The following MICALL2 variants were observed in gnomAD, a reference collection of about 807,000 sequenced individuals.
MICALL2 encodes MICAL-like protein 2.
MICALL2 carries 111 observed loss-of-function variants against 91.1 expected under a neutral mutation model. The ratio of observed to expected loss-of-function variants is 1.22; its 90% CI spans 1.04 to 1.43. The LOEUF is 1.43. Ranked by LOEUF, MICALL2 falls within the 40% of genes most tolerant of loss-of-function variation. The pLI is 0.00. For synonymous variants in MICALL2, 694 were observed against 525.3 expected, an observed-to-expected ratio of 1.32 and a Z score of -4.39; for missense variants, 1,556 against 1,236.0, an observed-to-expected ratio of 1.26 and a Z score of -3.88.
chr7:1,434,985 G>GGCCCC lies in MICALL2; in HGVS notation c.2638+115_2638+116insGGGGC. On this transcript the variant is annotated intron_variant, in intron 16 of 16. Transcript: ENST00000297508. Reference sequence around the variant, plus strand: ...AGGCTGAGGGGGGGACCCGATACCCGCCCCCCCCCCACCCCCAGCTGGAGG... The same window carrying GGCCCC: ...AGGCTGAGGGGGGGACCCGATACCCGGCCCCCCCCCCCCCCACCCCCAGCTGGAGG... 3.7e-4 allele frequency: 95 copies of GGCCCC among 255,662 alleles called. 2 individuals are homozygous for GGCCCC. The highest frequency in any genetic ancestry group is 9.6e-4 in the South Asian group (28 of 29,110). 15.8% of individuals were successfully genotyped at this position (255,662 alleles called of 1,614,324 possible).
chr7:1,435,299 A>G lies in MICALL2; in HGVS notation c.2592-152T>C, dbSNP rs533093063. ...TTCCTGCTGACAGGCCACACCTTGG[A>G]ACCCTGCCCCCACCAATGCCAAGTC... On this transcript the variant is annotated intron_variant, in intron 15 of 16. Coordinates refer to ENST00000297508, the MANE Select transcript of MICALL2 (RefSeq NM_182924.4). The G allele has an allele frequency of 5.5e-6, 4 of 726,578 alleles. No individual in the cohort carries two copies. The African/African-American group carries it at 6.9e-5, about 13-fold the overall frequency. The allele number at this position is 726,578 out of a possible 1,614,324, so 45.0% of individuals were successfully genotyped here.
chr7:1,440,891 TG>T, intron 7 of MICALL2: 3 of 560,264 alleles, frequency 5.4e-6, no homozygotes, highest in Non-Finnish European at 9.7e-6. Flanking sequence ...TGTGTGTCCC[TG>T]GGGGAAGCTC....
Position 1,434,481 on chromosome 7 carries a change from G to C in MICALL2, c.*115C>G. The C allele has an allele frequency of 1.1e-6, 1 of 931,404 alleles. No homozygotes were observed. Among genetic ancestry groups the C allele is most frequent in the Non-Finnish European group, 1.8e-6 (1 of 569,930 alleles). The allele number at this position is 931,404 out of a possible 1,614,324, so 57.7% of individuals were successfully genotyped here. ...GAGTCCAAGTCCGAATGCCGGGTCC[G>C]GGCCGAGCCCACGGCCCCGAGTACA... On this transcript the variant is annotated 3_prime_UTR_variant, in exon 17 of 17. Transcript: ENST00000297508.
intron 5 of MICALL2, among the ~76,000 whole-genome samples, chr7:1,445,982 G>C (rs969540872): frequency 1.5e-4 from 22 of 150,760 alleles, no homozygotes; most frequent in African/African-American, 5.1e-4. Context: ...GGAGACTGAG[G>C]CAGTGTGTGT....
In MICALL2 at chr7:1,459,202, C is replaced by T. The variant is rs755287844; in HGVS notation, c.125G>A (p.Arg42His). Residue 42 changes from arginine to histidine, a missense_variant, in exon 1 of 17, where the codon CGC becomes CAC. By Grantham distance (29) the Arg-to-His change is conservative. Coordinates refer to ENST00000297508, the MANE Select transcript of MICALL2 (RefSeq NM_182924.4). The part of the protein sequence containing the change: ...DGLAFCAILH[R>H]HRPDLINFSA... ...GACTTACATGAGGTCGGGCCGGTGG[C>T]GGTGCAGGATGGCGCAGAAAGCCAG... 10 of 1,609,668 alleles carry T rather than the reference C, an allele frequency of 6.2e-6. No homozygotes were observed. The East Asian group carries it at 2.2e-4, about 36-fold the overall frequency.
chr7:1,445,824 G>C (rs1780548443), intron 5 of MICALL2, among the ~76,000 whole-genome samples: 1 of 152,234 alleles, frequency 6.6e-6, no homozygotes, highest in East Asian at 1.9e-4. Context: ...GGGAGGACCG[G>C]CCCACCCCAG....
chr7:1,446,625 G>C, intron 5 of MICALL2, 88 bp downstream of exon 5: 1 of 909,328 alleles, frequency 1.1e-6, no homozygotes, highest in East Asian at 2.7e-5. Flanking sequence ...GCGGGGAGGA[G>C]GAGGCCGGGT....
intron 16 of MICALL2, 67 bp from the exon 17 acceptor site, chr7:1,434,739 T>TC: frequency 7.0e-7 from 1 of 1,437,250 alleles, no homozygotes; most frequent in African/African-American, 1.4e-5. Flanking sequence ...CCCACACAAG[T>TC]CCCCCTGCCA....
At position 1,445,374 on chromosome 7, in the gene MICALL2, C is replaced by T; in HGVS notation, c.696G>A (p.Glu232=). The change falls in exon 6 of 17, where the codon GAG becomes GAA. Residue 232 remains glutamate (E), a synonymous_variant. Transcript: ENST00000297508. ...LHSGAYKATG[E]PGTFVCTSHL... is the part of the protein sequence containing the mutation. ...GGCTGGTGCAGACGAAGGTGCCCGG[C>T]TCTCCTGTGGCCTTGTAGGCCCCCG... The T allele has an allele frequency of 1.9e-6, 3 of 1,585,548 alleles. No individual in the cohort carries two copies. Among genetic ancestry groups the T allele is most frequent in the South Asian group, 2.3e-5 (2 of 88,724 alleles).
intron 1 of MICALL2, among the ~76,000 whole-genome samples, chr7:1,454,687 G>C (rs1041614943): frequency 2.6e-5 from 4 of 152,222 alleles, no homozygotes; most frequent in African/African-American, 7.2e-5. Flanking sequence ...GCAGCTTCCT[G>C]CTGACCCAAC....
At chr7:1,447,800 G>A (rs781598448) in intron 3 of MICALL2, 35 bp from the exon 4 acceptor site, 7 of 1,454,066 alleles carry the variant, frequency 4.8e-6, no homozygotes, top group Non-Finnish European at 4.6e-6. Flanking sequence ...GAGGGTCCCA[G>A]GCCTGGCTCT....
chr7:1,436,283 G>A (rs539064912), intron 15 of MICALL2, among the ~76,000 whole-genome samples: 1 of 152,058 alleles, frequency 6.6e-6, no homozygotes, highest in East Asian at 1.9e-4. Context: ...TCAGGAGGCT[G>A]AGGCAGGAGA....
chr7:1,447,283 C>T (rs904636789), intron 4 of MICALL2, among the ~76,000 whole-genome samples: 2 of 152,182 alleles, frequency 1.3e-5, no homozygotes, highest in Non-Finnish European at 2.9e-5. Context: ...AGGGCATAGC[C>T]CAGCAACCCT....
At chr7:1,454,799 CT>C (rs1780955717) in intron 1 of MICALL2, among the ~76,000 whole-genome samples, 1 of 152,148 alleles carries the variant, frequency 6.6e-6, no homozygotes, top group Non-Finnish European at 1.5e-5. Context: ...AGTCTCTCCC[CT>C]GGCCCCCAAC....
chr7:1,450,096 G>A (rs976702344), intron 2 of MICALL2, 144 bp downstream of exon 2: 10 of 691,466 alleles, frequency 1.4e-5, no homozygotes, highest in Non-Finnish European at 2.3e-5. Flanking sequence ...ACGCGTTGCC[G>A]GGCTGGTCAG....
chr7:1,454,069 C>T (rs28401610), intron 1 of MICALL2, among the ~76,000 whole-genome samples: 26,427 of 151,930 alleles, frequency 0.17, 3,511 homozygotes, highest in African/African-American at 0.37. Flanking sequence ...TCTGCCCCGG[C>T]GCCTCTGGGG....
At position 1,456,585 on chromosome 7, in the gene MICALL2, CAAATAAAT is replaced by C. The variant is rs370994107; in HGVS notation, c.143+2591_143+2598del. Among the ~76,000 whole-genome samples, 49 of 151,244 alleles carry C rather than the reference CAAATAAAT, an allele frequency of 3.2e-4. No individual in the cohort carries two copies. In the East Asian group the frequency reaches 7.4e-3, roughly 23 times the overall value. On this transcript the variant is annotated intron_variant, in intron 1 of 16. Coordinates refer to ENST00000297508, the MANE Select transcript of MICALL2 (RefSeq NM_182924.4). ...TGGGCGACAGAGCTAGACTCTGTCT[CAAATAAAT>C]AAATAAATAAATAAATAGATAAAAT... is the stretch of plus-strand genomic sequence containing the variant.
At chr7:1,458,393 A>AG (rs1243131207) in intron 1 of MICALL2, among the ~76,000 whole-genome samples, 29 of 152,184 alleles carry the variant, frequency 1.9e-4, no homozygotes, top group African/African-American at 6.5e-4. Context: ...GTGGCCGTTG[A>AG]GGGCCCCCCT....
intron 1 of MICALL2, among the ~76,000 whole-genome samples, chr7:1,455,046 A>C (rs1339454835): frequency 1.3e-5 from 2 of 152,166 alleles, no homozygotes; most frequent in African/African-American, 4.8e-5. Flanking sequence ...AAATGCCCCC[A>C]GCCACGAACC....
Sources: gnomAD v4.1 joint callset for allele counts (sites outside exome capture counted in the v4.1 genomes callset) on GRCh38, gnomAD v4.1.1 for gene constraint, MANE v1.5 for transcripts, NCBI Gene and HGNC (gene_info 2026-07-23, HGNC 2026-07-21) for gene names.